PBRM1: variants seen among roughly 807,000 people sequenced by gnomAD.
PBRM1 encodes polybromo 1, also known as protein polybromo-1.
Under a neutral mutation model 194.5 loss-of-function variants are expected in PBRM1, and 27 were observed. The ratio of observed to expected loss-of-function variants is 0.14; its 90% CI spans 0.10 to 0.19. The LOEUF (loss-of-function observed/expected upper bound fraction) is 0.19, where lower values mean the gene tolerates loss of function less well. Ranked by LOEUF, PBRM1 falls within the 10% of genes least tolerant of loss-of-function variation. PBRM1 has a pLI of 1.00. For missense variants in PBRM1, 1,466 were observed against 2,077.2 expected, an observed-to-expected ratio of 0.71 and a Z score of 5.72; for synonymous variants, 655 against 693.2, an observed-to-expected ratio of 0.94 and a Z score of 0.87.
At chr3:52,629,173 C>A in intron 11 of PBRM1, 138 bp from the exon 13 acceptor site, 1 of 645,676 alleles carries the variant, frequency 1.5e-6, no homozygotes, top group Non-Finnish European at 2.6e-6. Context: ...TTAAAAATGA[C>A]TTTTGAGATA....
chr3:52,603,444 CTT>C, intron 17 of PBRM1, 75 bp downstream of exon 19: 1 of 1,474,012 alleles, frequency 6.8e-7, no homozygotes, highest in Non-Finnish European at 9.1e-7. Flanking sequence ...AAACAGGACT[CTT>C]TTCCACAGCT....
rs904880087 is a variant in PBRM1, at chr3:52,634,830, A to T, written c.1088-15T>A. 6 of 1,586,730 alleles carry T rather than the reference A, an allele frequency of 3.8e-6. No homozygotes were observed. The African/African-American group carries it at 8.1e-5, about 21-fold the overall frequency. On this transcript the variant is annotated splice_polypyrimidine_tract_variant and intron_variant, in intron 10 of 29. Coordinates refer to ENST00000296302, the Ensembl canonical transcript of PBRM1. The stretch of plus-strand genomic sequence containing the variant: ...ATAGCGTGCAGCTGGAAAGACAAAA[A>T]AAGTATTTATAAAGGGACGAATGAG...
At chr3:52,643,737 C>T (rs1291870827) in intron 8 of PBRM1, among the ~76,000 whole-genome samples, 2 of 152,128 alleles carry the variant, frequency 1.3e-5, no homozygotes, top group Admixed American at 6.6e-5. Context: ...TTTGGGAGGC[C>T]GAGGCGGGTG....
chr3:52,575,076 A>G (rs894755258), intron 22 of PBRM1, among the ~76,000 whole-genome samples: 1 of 151,692 alleles, frequency 6.6e-6, no homozygotes, highest in Non-Finnish European at 1.5e-5. Flanking sequence ...TAATTTCTGT[A>G]TTTTTTTGTA....
intron 10 of PBRM1, among the ~76,000 whole-genome samples, chr3:52,641,232 A>T (rs2096066182): frequency 6.6e-6 from 1 of 151,874 alleles, no homozygotes. Flanking sequence ...GTGGATCATG[A>T]GGACAGAAGT....
intron 7 of PBRM1, among the ~76,000 whole-genome samples, chr3:52,645,697 C>T (rs948901917): frequency 6.6e-6 from 1 of 152,080 alleles, no homozygotes; most frequent in Admixed American, 6.5e-5. Context: ...GATGGCTACA[C>T]AGTGACTAAC....
chr3:52,637,696 G>A (rs2095871875), intron 10 of PBRM1, among the ~76,000 whole-genome samples: 1 of 149,832 alleles, frequency 6.7e-6, no homozygotes, highest in Non-Finnish European at 1.5e-5. Flanking sequence ...GGGAGGCTGA[G>A]GCGGGCGGAT....
At chr3:52,581,308 G>C (rs188373421) in intron 20 of PBRM1, among the ~76,000 whole-genome samples, 113 of 152,174 alleles carry the variant, frequency 7.4e-4, no homozygotes, top group African/African-American at 2.5e-3. Context: ...CCAGGAGTTC[G>C]AGACCAGACT....
At chr3:52,545,376 A>G (rs1213926037), downstream of PBRM1, 1 of 227,056 alleles carries the variant, frequency 4.4e-6, no homozygotes, top group East Asian at 6.4e-5. Context: ...ATCACTTTGC[A>G]AACTCTGTAT....
intron 18 of PBRM1, 63 bp downstream of exon 20, chr3:52,589,007 G>A: frequency 8.3e-7 from 1 of 1,202,776 alleles, no homozygotes. Context: ...CTTCCCTGAG[G>A]AGCAAGGAGA....
At position 52,609,999 on chromosome 3, in the gene PBRM1, C is replaced by G. The variant is rs774429672; in HGVS notation, c.1925-44G>C. Reference sequence around the variant, plus strand: ...TGTTAAATGAATAAAATAAATGAACCTAAATTTGTATACAGATGGTAGCAT... The same window carrying G: ...TGTTAAATGAATAAAATAAATGAACGTAAATTTGTATACAGATGGTAGCAT... On this transcript the variant is annotated intron_variant, in intron 15 of 29. Transcript: ENST00000296302. The surrounding 1 kb of genome is among the most constrained non-coding windows in gnomAD (Gnocchi z 4.1). 9 of 1,243,748 alleles carry G rather than the reference C, an allele frequency of 7.2e-6. No homozygotes were observed. The highest frequency in any genetic ancestry group is 3.7e-5 in the South Asian group (2 of 54,224). The allele number at this position is 1,243,748 out of a possible 1,614,324, so 77.0% of individuals were successfully genotyped here. A position where few individuals can be genotyped will look rare whatever the true frequency, so the allele number is the denominator to read the frequency against.
chr3:52,666,428 C>T (rs2096836264), intron 3 of PBRM1, among the ~76,000 whole-genome samples: 2 of 151,830 alleles, frequency 1.3e-5, no homozygotes, highest in Admixed American at 6.6e-5. Context: ...CCCAGCTACT[C>T]GGGAGGCTGA....
intron 20 of PBRM1, among the ~76,000 whole-genome samples, chr3:52,579,893 C>T (rs1175194811): frequency 6.6e-6 from 1 of 152,176 alleles, no homozygotes; most frequent in Non-Finnish European, 1.5e-5. Flanking sequence ...AAATTCTATA[C>T]AAGCTTCCTC....
At chr3:52,583,576 A>T (rs2091821712) in intron 20 of PBRM1, among the ~76,000 whole-genome samples, 1 of 152,038 alleles carries the variant, frequency 6.6e-6, no homozygotes, top group Admixed American at 6.6e-5. Flanking sequence ...TCCGTAAATT[A>T]TCTATTTGGG....
intron 27 of PBRM1, among the ~76,000 whole-genome samples, chr3:52,554,059 G>A (rs998801937): frequency 3.3e-5 from 5 of 152,004 alleles, no homozygotes; most frequent in African/African-American, 1.2e-4. Context: ...CTCATTCTCT[G>A]AAAGTGCTGG....
exon 23 of PBRM1, chr3:52,564,190 C>G (rs2153526906): frequency 6.2e-7 from 1 of 1,613,740 alleles, no homozygotes; most frequent in Non-Finnish European, 8.5e-7. Context: ...TTTCAGTTGG[C>G]CTGCAGGAGA....
intron 6 of PBRM1, among the ~76,000 whole-genome samples, chr3:52,649,906 C>T (rs369265198): frequency 1.3e-5 from 2 of 151,980 alleles, no homozygotes; most frequent in South Asian, 2.1e-4. Flanking sequence ...CAAAATAAGG[C>T]GAGAAGTCAA....
chr3:52,581,381 G>A (rs578253036), intron 20 of PBRM1, among the ~76,000 whole-genome samples: 10 of 152,024 alleles, frequency 6.6e-5, no homozygotes, highest in African/African-American at 2.2e-4. Context: ...ATGATGGTGC[G>A]CGCCTGTAGT....
At chr3:52,620,959 A>G (rs968371499) in intron 13 of PBRM1, among the ~76,000 whole-genome samples, 2 of 152,086 alleles carry the variant, frequency 1.3e-5, no homozygotes, top group African/African-American at 4.8e-5. Context: ...CCACTGGCCC[A>G]TTAGTTTTAA....
Sources: allele counts gnomAD v4.1 joint callset (sites outside exome capture counted in the v4.1 genomes callset), GRCh38; gene constraint gnomAD v4.1.1; non-coding constraint Gnocchi (gnomAD v3.1); transcripts MANE v1.5; gene names NCBI Gene and HGNC (gene_info 2026-07-23, HGNC 2026-07-21).